PPP2R2C: variants seen among roughly 807,000 people sequenced by gnomAD.
PPP2R2C encodes protein phosphatase 2 regulatory subunit Bgamma.
Under a neutral mutation model 45.3 loss-of-function variants are expected in PPP2R2C, and 10 were observed. The observed-to-expected ratio is 0.22, with a 90% CI of 0.14 to 0.37. PPP2R2C has a LOEUF of 0.37. PPP2R2C is among the 10% of genes least tolerant of loss of function. The probability of loss-of-function intolerance (pLI) is 1.00; values close to 1 mark genes in which losing one functional copy is unlikely to be tolerated. For missense variants in PPP2R2C, 308 were observed against 619.7 expected (o/e 0.50, Z 5.34); for synonymous variants, 257 against 245.4 (o/e 1.05, Z -0.44).
At chr4:6,460,367 G>A (rs1274050810) in intron 1 of PPP2R2C, among the ~76,000 whole-genome samples, 3 of 152,190 alleles carry the variant, frequency 2.0e-5, no homozygotes, top group Non-Finnish European at 2.9e-5. Context: ...TATAAGCCAA[G>A]GAGAGGGGCC....
At chr4:6,403,468 C>A (rs1165044038) in intron 1 of PPP2R2C, among the ~76,000 whole-genome samples, 1 of 152,188 alleles carries the variant, frequency 6.6e-6, no homozygotes, top group South Asian at 2.1e-4. Context: ...AGGCTGTGCG[C>A]CAGGGGTTGC....
chr4:6,388,978 G>A (rs1453413615), intron 1 of PPP2R2C, among the ~76,000 whole-genome samples: 1 of 151,902 alleles, frequency 6.6e-6, no homozygotes, highest in Admixed American at 6.6e-5. Context: ...GCACTTGCTG[G>A]CTTTCTTCTC....
At chr4:6,494,000 C>A (rs1039850841) in intron 2 of PPP2R2C, among the ~76,000 whole-genome samples, 29 of 152,238 alleles carry the variant, frequency 1.9e-4, no homozygotes, top group African/African-American at 7.0e-4. Flanking sequence ...CTCGGCTACA[C>A]CCAGCTTCGA....
chr4:6,472,341 G>C lies in PPP2R2C; in HGVS notation c.-112C>G. On this transcript the variant is annotated 5_prime_UTR_variant, in exon 1 of 9. Transcript: ENST00000382599. ...CCGCCGCAGCCTAGCAGGGGCGCGG[G>C]CCGCCGGGGCCCCGAAGGGAGGGCA... 1 of 1,301,398 alleles carries C rather than the reference G, an allele frequency of 7.7e-7. No homozygotes were observed. The highest frequency in any genetic ancestry group is 9.8e-7 in the Non-Finnish European group (1 of 1,022,714). 80.6% of individuals were successfully genotyped at this position (1,301,398 alleles called of 1,614,324 possible). A position where few individuals can be genotyped will look rare whatever the true frequency, so the allele number is the denominator to read the frequency against.
At chr4:6,505,515 T>C (rs780388939) in intron 2 of PPP2R2C, among the ~76,000 whole-genome samples, 2 of 152,206 alleles carry the variant, frequency 1.3e-5, no homozygotes, top group Admixed American at 1.3e-4. Flanking sequence ...CAGGTACCTA[T>C]TGTTATGCTT....
chr4:6,433,620 C>T (rs756193481), intron 1 of PPP2R2C, among the ~76,000 whole-genome samples: 4 of 152,148 alleles, frequency 2.6e-5, no homozygotes, highest in Non-Finnish European at 4.4e-5. Context: ...AATAGGCATA[C>T]GGGTTCCAAA....
At chr4:6,559,511 C>T (rs1297695676) in intron 1 of PPP2R2C, among the ~76,000 whole-genome samples, 1 of 152,166 alleles carries the variant, frequency 6.6e-6, no homozygotes, top group African/African-American at 2.4e-5. Flanking sequence ...GTGCCAACTA[C>T]ACTCCCAACA....
chr4:6,545,577 T>C (rs992052730), intron 1 of PPP2R2C, among the ~76,000 whole-genome samples: 6 of 152,228 alleles, frequency 3.9e-5, no homozygotes, highest in African/African-American at 7.2e-5. Context: ...TCAGGGGGCC[T>C]GGTTCCCATC....
chr4:6,432,746 C>T (rs1719689498), intron 1 of PPP2R2C, among the ~76,000 whole-genome samples: 1 of 152,186 alleles, frequency 6.6e-6, no homozygotes, highest in Non-Finnish European at 1.5e-5. Context: ...TTGGGTTTCA[C>T]TGCCAAATAA....
intron 1 of PPP2R2C, among the ~76,000 whole-genome samples, chr4:6,545,799 G>T (rs996074190): frequency 6.6e-6 from 1 of 152,196 alleles, no homozygotes; most frequent in East Asian, 1.9e-4. Flanking sequence ...GTAAGGCAAC[G>T]TTTGCTTCTC....
chr4:6,357,246 G>T (rs1404286025), intron 5 of PPP2R2C, among the ~76,000 whole-genome samples: 2 of 152,278 alleles, frequency 1.3e-5, no homozygotes, highest in Non-Finnish European at 2.9e-5. Flanking sequence ...ACAGCGAGGT[G>T]CTGGGCAAGG....
intron 1 of PPP2R2C, among the ~76,000 whole-genome samples, chr4:6,426,012 A>T (rs1295656826): frequency 6.6e-6 from 1 of 152,016 alleles, no homozygotes; most frequent in Non-Finnish European, 1.5e-5. Flanking sequence ...GTTCCTGGGT[A>T]CAGGCCTGCT....
chr4:6,548,235 A>AAGC (rs1308809498), intron 1 of PPP2R2C, among the ~76,000 whole-genome samples: 2 of 151,824 alleles, frequency 1.3e-5, no homozygotes, highest in Admixed American at 6.6e-5. Flanking sequence ...AAAGAAGAAG[A>AAGC]AGAAGAAGAA....
rs566405321 is a variant in PPP2R2C, at chr4:6,421,118, T to C, written c.71-40024A>G. The C allele has an allele frequency of 2.3e-4, 228 of 985,218 alleles. 3 individuals carry two copies. The African/African-American group carries it at 3.7e-3, about 16-fold the overall frequency. The allele number at this position is 985,218 out of a possible 1,614,324, so 61.0% of individuals were successfully genotyped here. Reference sequence around the variant, plus strand: ...TTCTCTCTGTTTCCCCCAAAACACATGCAGGTATGAGCCCTAGGCTCAGCC... The same window carrying C: ...TTCTCTCTGTTTCCCCCAAAACACACGCAGGTATGAGCCCTAGGCTCAGCC... On this transcript the variant is annotated intron_variant, in intron 1 of 8. Coordinates refer to ENST00000382599, the MANE Select transcript of PPP2R2C (RefSeq NM_020416.4).
intron 1 of PPP2R2C, among the ~76,000 whole-genome samples, chr4:6,443,865 C>A (rs1720283622): frequency 6.6e-6 from 1 of 152,030 alleles, no homozygotes; most frequent in African/African-American, 2.4e-5. Context: ...TCAGCCCACA[C>A]AGCCTCTCAG....
At chr4:6,387,327 A>G (rs1046863187) in intron 1 of PPP2R2C, among the ~76,000 whole-genome samples, 3 of 152,238 alleles carry the variant, frequency 2.0e-5, no homozygotes, top group African/African-American at 7.2e-5. Flanking sequence ...ACTACTGGAA[A>G]CTGAAATAAT....
At chr4:6,499,294 G>A (rs185186229) in intron 2 of PPP2R2C, among the ~76,000 whole-genome samples, 1 of 152,296 alleles carries the variant, frequency 6.6e-6, no homozygotes, top group African/African-American at 2.4e-5. Flanking sequence ...GAAATATTGA[G>A]GGAATCAGAT....
chr4:6,549,260 T>C (rs1004009905), intron 1 of PPP2R2C, among the ~76,000 whole-genome samples: 1 of 152,084 alleles, frequency 6.6e-6, no homozygotes, highest in African/African-American at 2.4e-5. Flanking sequence ...ACGTCGTTTT[T>C]CCACCTCCAC....
chr4:6,456,077 C>CA (rs1233518322), intron 1 of PPP2R2C, among the ~76,000 whole-genome samples: 4 of 152,162 alleles, frequency 2.6e-5, no homozygotes, highest in African/African-American at 9.7e-5. Context: ...CTAATCGGAT[C>CA]AATGAATCCA....
Sources: allele counts gnomAD v4.1 joint callset (sites outside exome capture counted in the v4.1 genomes callset), GRCh38; gene constraint gnomAD v4.1.1; transcripts MANE v1.5; gene names NCBI Gene and HGNC (gene_info 2026-07-23, HGNC 2026-07-21).